RGS7: variants seen among roughly 807,000 people sequenced by gnomAD.
The protein encoded by RGS7 is regulator of G-protein signaling 7.
Under a neutral mutation model 81.1 loss-of-function variants are expected in RGS7, and 27 were observed. The observed-to-expected ratio is 0.33, with a 90% CI of 0.25 to 0.46. The LOEUF (loss-of-function observed/expected upper bound fraction) is 0.46. Ranked by LOEUF, RGS7 falls within the 20% of genes least tolerant of loss-of-function variation. The probability of loss-of-function intolerance (pLI) is 1.00; values close to 1 mark genes in which losing one functional copy is unlikely to be tolerated. For missense variants in RGS7, 396 were observed against 607.4 expected, an observed-to-expected ratio of 0.65 and a Z score of 3.66; for synonymous variants, 208 against 207.7, an observed-to-expected ratio of 1.00 and a Z score of -0.01.
chr1:241,295,258 C>T (rs939970514), intron 2 of RGS7, among the ~76,000 whole-genome samples: 2 of 151,380 alleles, frequency 1.3e-5, no homozygotes, highest in East Asian at 2.0e-4. Flanking sequence ...ACCAGCCTGA[C>T]GAACATGATG....
chr1:241,246,343 T>C (rs1213253984), intron 2 of RGS7, among the ~76,000 whole-genome samples: 1 of 152,160 alleles, frequency 6.6e-6, no homozygotes, highest in Non-Finnish European at 1.5e-5. Context: ...TATATACCAA[T>C]GCTTCACTAC....
At chr1:241,300,071 C>T (rs918958559) in intron 2 of RGS7, among the ~76,000 whole-genome samples, 12 of 151,502 alleles carry the variant, frequency 7.9e-5, no homozygotes, top group African/African-American at 2.7e-4. Flanking sequence ...GCCGTGATCA[C>T]GCCACTGCAC....
At chr1:241,339,371 C>T (rs939221309) in intron 2 of RGS7, among the ~76,000 whole-genome samples, 1 of 152,138 alleles carries the variant, frequency 6.6e-6, no homozygotes, top group African/African-American at 2.4e-5. Flanking sequence ...ATGTTTGCTA[C>T]ATTAAATTGA....
intron 2 of RGS7, among the ~76,000 whole-genome samples, chr1:241,234,855 T>TAAA (rs549677236): frequency 6.9e-6 from 1 of 144,240 alleles, no homozygotes; most frequent in Non-Finnish European, 1.5e-5. Flanking sequence ...TAGCAAAAGT[T>TAAA]AAAAAAAAAA....
At chr1:241,221,578 A>G (rs2075018166) in intron 2 of RGS7, among the ~76,000 whole-genome samples, 1 of 152,246 alleles carries the variant, frequency 6.6e-6, no homozygotes. Context: ...CGCCCAGATA[A>G]GTAGTTAAAC....
chr1:241,076,624 C>T (rs1447230832), intron 3 of RGS7, among the ~76,000 whole-genome samples: 2 of 152,144 alleles, frequency 1.3e-5, no homozygotes, highest in African/African-American at 4.8e-5. Context: ...CACTAGTGAT[C>T]TTTGGACTTA....
chr1:240,816,304 T>C lies in RGS7; in HGVS notation c.783+13A>G. 1.9e-6 allele frequency: 3 copies of C among 1,553,766 alleles called. No individual in the cohort carries two copies. Among genetic ancestry groups the C allele is most frequent in the Non-Finnish European group, 1.8e-6 (2 of 1,125,138 alleles). On this transcript the variant is annotated intron_variant, in intron 11 of 18. Coordinates refer to ENST00000440928, the MANE Select transcript of RGS7 (RefSeq NM_001364886.1). ...TGTAAACCTTTAACAGGTCATCTCA[T>C]AGGTTGACTCACCTGTTGTTGTAAC...
chr1:240,944,900 A>G (rs1678344572), intron 4 of RGS7, among the ~76,000 whole-genome samples: 1 of 152,228 alleles, frequency 6.6e-6, no homozygotes, highest in South Asian at 2.1e-4. Context: ...TTTAGTAGAG[A>G]CAGGGTTTCA....
rs67087891 is a variant in RGS7, at chr1:241,206,960, G to GTT, written c.79-108200_79-108199dup. Among the ~76,000 whole-genome samples the GTT allele has an allele frequency of 3.1e-3, 222 of 70,742 alleles. 22 individuals are homozygous for GTT. The highest frequency in any genetic ancestry group is 0.013 in the Middle Eastern group (1 of 80). The allele number at this position is 70,742 out of a possible 152,430, so 46.4% of individuals were successfully genotyped here. On this transcript the variant is annotated intron_variant, in intron 2 of 18. Coordinates refer to ENST00000440928, the MANE Select transcript of RGS7 (RefSeq NM_001364886.1). ...CTTTTCTTCCTTCTTTCTCTCTCTG[G>GTT]TTTTTTTTTTTTTTTTTTTTTTTTT...
chr1:240,978,365 T>G (rs1437128035), intron 4 of RGS7, among the ~76,000 whole-genome samples: 1 of 152,102 alleles, frequency 6.6e-6, no homozygotes, highest in Admixed American at 6.5e-5. Flanking sequence ...AAGCAATCAA[T>G]GAAACATAAC....
At chr1:241,260,979 G>C (rs867127776) in intron 2 of RGS7, among the ~76,000 whole-genome samples, 1 of 150,794 alleles carries the variant, frequency 6.6e-6, no homozygotes, top group African/African-American at 2.4e-5. Flanking sequence ...GCTAGATGAC[G>C]AGTTAGTGGG....
At chr1:240,843,458 G>GT (rs1053453263) in intron 9 of RGS7, among the ~76,000 whole-genome samples, 11 of 152,130 alleles carry the variant, frequency 7.2e-5, no homozygotes, top group Admixed American at 5.9e-4. Flanking sequence ...TAGGGATGAG[G>GT]TTTTGCTATG....
intron 2 of RGS7, among the ~76,000 whole-genome samples, chr1:241,352,765 G>A (rs1206606594): frequency 6.6e-6 from 1 of 152,224 alleles, no homozygotes; most frequent in African/African-American, 2.4e-5. Flanking sequence ...GAATCTTTCT[G>A]TGATTTGGAG....
intron 3 of RGS7, among the ~76,000 whole-genome samples, chr1:240,983,875 TG>T: frequency 6.6e-6 from 1 of 152,212 alleles, no homozygotes; most frequent in South Asian, 2.1e-4. Flanking sequence ...TGCTTAACAA[TG>T]TGTGATGAAT....
At chr1:241,310,568 T>A (rs983421276) in intron 2 of RGS7, among the ~76,000 whole-genome samples, 4 of 150,680 alleles carry the variant, frequency 2.7e-5, no homozygotes, top group African/African-American at 9.8e-5. Context: ...TTTTTTTTTT[T>A]AAACAATGTA....
chr1:241,113,056 C>T (rs1166781070), intron 2 of RGS7, among the ~76,000 whole-genome samples: 2 of 152,114 alleles, frequency 1.3e-5, no homozygotes, highest in Non-Finnish European at 2.9e-5. Flanking sequence ...GAATGGTGGA[C>T]GAATTCATAC....
intron 2 of RGS7, among the ~76,000 whole-genome samples, chr1:241,140,095 C>G (rs930034239): frequency 6.6e-6 from 1 of 152,172 alleles, no homozygotes; most frequent in East Asian, 1.9e-4. Flanking sequence ...GCTCTGGAGG[C>G]TGACTTTGTA....
At chr1:240,867,139 C>T (rs1663461566) in intron 9 of RGS7, among the ~76,000 whole-genome samples, 1 of 152,198 alleles carries the variant, frequency 6.6e-6, no homozygotes, top group South Asian at 2.1e-4. Context: ...AGTTAATTCT[C>T]AGTTGATTCT....
intron 6 of RGS7, among the ~76,000 whole-genome samples, chr1:240,914,452 T>C (rs1036682684): frequency 6.6e-6 from 1 of 152,118 alleles, no homozygotes; most frequent in Admixed American, 6.6e-5. Flanking sequence ...AGAGACATTT[T>C]CCATGACACT....
Sources: allele counts gnomAD v4.1 joint callset (sites outside exome capture counted in the v4.1 genomes callset), GRCh38; gene constraint gnomAD v4.1.1; transcripts MANE v1.5; gene names NCBI Gene and HGNC (gene_info 2026-07-23, HGNC 2026-07-21).